ADPRHL1: variants seen among roughly 807,000 people sequenced by gnomAD.
ADPRHL1 encodes ADP-ribosylhydrolase like 1.
Under a neutral mutation model 44.1 loss-of-function variants are expected in ADPRHL1, and 43 were observed. The observed-to-expected ratio is 0.98, with a 90% CI of 0.76 to 1.26. ADPRHL1 has a LOEUF of 1.26. Among genes scored for constraint, ADPRHL1 ranks in the 50% most tolerant of loss-of-function variants. The pLI is 0.00. For missense variants in ADPRHL1, 2,022 were observed against 2,496.9 expected, an observed-to-expected ratio of 0.81 and a Z score of 4.05; for synonymous variants, 878 against 1,017.4, an observed-to-expected ratio of 0.86 and a Z score of 2.61.
Position 113,403,626 on chromosome 13 carries a change from T to C in ADPRHL1, c.5656A>G (p.Thr1886Ala), listed in dbSNP as rs965257080. 5.3e-5 allele frequency: 65 copies of C among 1,231,464 alleles called. No individual in the cohort carries two copies. In the African/African-American group the frequency reaches 7.3e-4, roughly 14 times the overall value. 76.3% of individuals were successfully genotyped at this position (1,231,464 alleles called of 1,614,324 possible). A position where few individuals can be genotyped will look rare whatever the true frequency, so the allele number is the denominator to read the frequency against. Residue 1886 changes from threonine (T) to alanine (A), a missense_variant, in exon 8 of 8, where the codon ACT (threonine) becomes GCT (alanine). This residue lies in a region of ADPRHL1 where 205 missense variants were observed against 250.1 expected (regional missense o/e 0.82). Transcript: ENST00000612156. ...TSPLGLGKSPTEPKPEAGGCG... is the reference protein window; with the variant it reads ...TSPLGLGKSPAEPKPEAGGCG... Reference sequence around the variant, plus strand: ...CCCCCAGCCTCAGGCTTGGGCTCAGTTGGGCTCTTTCCCAGCCCCAGGGGA... The same window carrying C: ...CCCCCAGCCTCAGGCTTGGGCTCAGCTGGGCTCTTTCCCAGCCCCAGGGGA...
At position 113,407,281 on chromosome 13, in the gene ADPRHL1, G is replaced by T. The variant is rs1385588290; in HGVS notation, c.2001C>A (p.Asn667Lys). The T allele has an allele frequency of 1.1e-5, 13 of 1,231,976 alleles. No individual in the cohort carries two copies. Among genetic ancestry groups the T allele is most frequent in the Admixed American group, 4.2e-5 (1 of 23,704 alleles). The allele number at this position is 1,231,976 out of a possible 1,614,324, so 76.3% of individuals were successfully genotyped here. Residue 667 changes from asparagine to lysine, a missense_variant, in exon 8 of 8, where the codon AAC (asparagine) becomes AAA (lysine). Asn to Lys is a moderately conservative substitution (Grantham distance 94, BLOSUM62 0). Transcript: ENST00000612156. ...PSARETGPSG[N>K]KAVGKGPLEE... ...CCAGGGGCCCCTTTCCCACTGCTTTGTTCCCACTGGGCCCCGTCTCCCTGG... is the reference window on the plus strand; with the variant it reads ...CCAGGGGCCCCTTTCCCACTGCTTTTTTCCCACTGGGCCCCGTCTCCCTGG...
intron 7 of ADPRHL1, chr13:113,421,940 T>C (rs1382464204): frequency 1.3e-5 from 2 of 152,266 alleles, no homozygotes; most frequent in African/African-American, 4.8e-5. Flanking sequence ...AGCACAGCGG[T>C]AAACATCAGT....
intron 7 of ADPRHL1, 130 bp from the exon 8 acceptor site, chr13:113,408,350 T>G: frequency 1.0e-6 from 1 of 976,168 alleles, no homozygotes; most frequent in Non-Finnish European, 1.3e-6. Flanking sequence ...AAAAAGAGAT[T>G]AGGAGCCAGG....
rs996553422 is a variant in ADPRHL1, at chr13:113,447,459, T to C, written c.215-2870A>G. ...CTACACTCATGGTGGTGTGTGTGTATGGTGTCTACATGCACGGTGTTGTGT... is the reference window on the plus strand; with the variant it reads ...CTACACTCATGGTGGTGTGTGTGTACGGTGTCTACATGCACGGTGTTGTGT... On this transcript the variant is annotated intron_variant, in intron 1 of 7. Transcript: ENST00000612156. Among the ~76,000 whole-genome samples the C allele has an allele frequency of 2.6e-5, 4 of 151,880 alleles. No individual in the cohort carries two copies. The South Asian group carries it at 8.3e-4, about 31-fold the overall frequency.
At position 113,404,622 on chromosome 13, in the gene ADPRHL1, C is replaced by T; in HGVS notation, c.4660G>A (p.Glu1554Lys). 7.6e-7 allele frequency: 1 copy of T among 1,310,086 alleles called. No individual in the cohort carries two copies. Among genetic ancestry groups the T allele is most frequent in the Non-Finnish European group, 9.6e-7 (1 of 1,037,876 alleles). 81.2% of individuals were successfully genotyped at this position (1,310,086 alleles called of 1,614,324 possible). Residue 1554 changes from glutamate to lysine, a missense_variant, in exon 8 of 8, where the codon GAA (glutamate) becomes AAA (lysine). Physicochemically the swap from Glu to Lys is moderately conservative, Grantham distance 56. This residue lies in a region of ADPRHL1 where 32 missense variants were observed against 72.6 expected (regional missense o/e 0.44). Transcript: ENST00000612156. ...AQGQAQGHAQ[E>K]QAQWQTQIEA... ...ATCTGGGTCTGCCACTGGGCCTGTT[C>T]TTGAGCGTGTCCCTGAGCCTGTCCC...
At chr13:113,423,120 G>T in intron 6 of ADPRHL1, 141 bp from the exon 7 acceptor site, 1 of 1,173,192 alleles carries the variant, frequency 8.5e-7, no homozygotes, top group Non-Finnish European at 1.2e-6. Flanking sequence ...AGGCCAGCGC[G>T]GTGGCTCACG....
intron 1 of ADPRHL1, among the ~76,000 whole-genome samples, chr13:113,445,598 C>T (rs564873722): frequency 6.6e-6 from 1 of 152,322 alleles, no homozygotes; most frequent in East Asian, 1.9e-4. Flanking sequence ...ATGAATTCCC[C>T]ACCTTTGGGG....
intron 2 of ADPRHL1, among the ~76,000 whole-genome samples, chr13:113,436,805 G>T (rs1290093368): frequency 7.4e-4 from 45 of 60,598 alleles, no homozygotes; most frequent in African/African-American, 3.1e-3. Context: ...GTGAACACAG[G>T]TGTACCCCGG....
Position 113,404,793 on chromosome 13 carries a change from G to C in ADPRHL1, c.4489C>G (p.Arg1497Gly). 1 of 1,254,694 alleles carries C rather than the reference G, an allele frequency of 8.0e-7. No homozygotes were observed. Among genetic ancestry groups the C allele is most frequent in the Non-Finnish European group, 1.0e-6 (1 of 1,002,906 alleles). The allele number at this position is 1,254,694 out of a possible 1,614,324, so 77.7% of individuals were successfully genotyped here. ...TGAGCGTGTCCCTGAACCTGTCCCC[G>C]GTCCCATTCCTGAACCTGTTTCTGG... The part of the protein sequence containing the change: ...QAQKQVQEWD[R>G]GQVQGHAQEQ... The change falls in exon 8 of 8, where the codon CGG (arginine) becomes GGG (glycine). Residue 1497 changes from arginine to glycine, a missense_variant. Physicochemically the swap from Arg to Gly is moderately radical, Grantham distance 125. Coordinates refer to ENST00000612156, the MANE Select transcript of ADPRHL1 (RefSeq NM_001394807.1).
chr13:113,448,642 GAGA>G (rs1051363849), intron 1 of ADPRHL1, among the ~76,000 whole-genome samples: 1 of 150,576 alleles, frequency 6.6e-6, no homozygotes, highest in African/African-American at 2.5e-5. Context: ...GGGAGAGGCT[GAGA>G]AGGTGCTGGC....
At position 113,429,033 on chromosome 13, in the gene ADPRHL1, G is replaced by A; in HGVS notation, c.565C>T (p.Leu189=). The change falls in exon 4 of 8, where the codon CTG becomes TTG. Residue 189 remains leucine, a synonymous_variant. Transcript: ENST00000612156. ...FVSFAAQGKP[L]VQWGRDMLRA... is the part of the protein sequence containing the mutation. ...AGCATGTCTCTCCCCCACTGGACCA[G>A]GGGCTTTCCTTGTGCGGCGAACGAC... 1.2e-6 allele frequency: 2 copies of A among 1,612,878 alleles called. No homozygotes were observed. Among genetic ancestry groups the A allele is most frequent in the Middle Eastern group, 1.7e-4 (1 of 6,060 alleles).
At position 113,403,705 on chromosome 13, in the gene ADPRHL1, G is replaced by T. The variant is rs564335620; in HGVS notation, c.5577C>A (p.Ala1859=). The T allele has an allele frequency of 5.4e-4, 660 of 1,231,862 alleles. 1 individual carries two copies. Among genetic ancestry groups the T allele is most frequent in the Non-Finnish European group, 6.6e-4 (649 of 988,232 alleles). 76.3% of individuals were successfully genotyped at this position (1,231,862 alleles called of 1,614,324 possible). The change falls in exon 8 of 8, where the codon GCC becomes GCA. Residue 1859 remains alanine, a synonymous_variant. Coordinates refer to ENST00000612156, the MANE Select transcript of ADPRHL1 (RefSeq NM_001394807.1). ...SGGSGLGEPS[A]GYPPPGSRPL... ...GGCGGCTTCCTGGGGGTGGGTACCCGGCGCTGGGCTCCCCCAGGCCACTGC... is the reference window on the plus strand; with the variant it reads ...GGCGGCTTCCTGGGGGTGGGTACCCTGCGCTGGGCTCCCCCAGGCCACTGC...
intron 7 of ADPRHL1, among the ~76,000 whole-genome samples, chr13:113,419,348 C>G (rs182385832): frequency 7.0e-6 from 1 of 143,388 alleles, no homozygotes; most frequent in Admixed American, 7.3e-5. Context: ...AACTCCTAAG[C>G]TCAAGCGATC....
intron 2 of ADPRHL1, among the ~76,000 whole-genome samples, chr13:113,436,951 C>T (rs1191569105): frequency 6.8e-6 from 1 of 147,662 alleles, no homozygotes; most frequent in Non-Finnish European, 1.5e-5. Context: ...GGACCCAGCA[C>T]CCAGGTGTAG....
chr13:113,449,866 C>T (rs778484490), intron 1 of ADPRHL1, among the ~76,000 whole-genome samples: 16 of 152,238 alleles, frequency 1.1e-4, no homozygotes, highest in Non-Finnish European at 2.2e-4. Context: ...TGCTTACGAG[C>T]ACAGGGGCCA....
At chr13:113,411,332 G>A (rs527590311) in intron 7 of ADPRHL1, among the ~76,000 whole-genome samples, 1 of 152,192 alleles carries the variant, frequency 6.6e-6, no homozygotes, top group African/African-American at 2.4e-5. Flanking sequence ...CCCCACACTC[G>A]GAGCCCCTTG....
intron 2 of ADPRHL1, among the ~76,000 whole-genome samples, chr13:113,435,246 C>T (rs2044043345): frequency 9.9e-5 from 2 of 20,172 alleles, no homozygotes; most frequent in Non-Finnish European, 2.6e-4. Context: ...GTAGAGTGAA[C>T]ACAGGTGTAC....
chr13:113,420,947 A>ACC (rs1324011063), intron 7 of ADPRHL1, among the ~76,000 whole-genome samples: 2 of 8,254 alleles, frequency 2.4e-4, no homozygotes, highest in African/African-American at 5.4e-4. Flanking sequence ...GGACAACCCT[A>ACC]CCCCCCCCGA....
chr13:113,410,404 G>A (rs150809185), intron 7 of ADPRHL1, among the ~76,000 whole-genome samples: 1 of 152,168 alleles, frequency 6.6e-6, no homozygotes, highest in Non-Finnish European at 1.5e-5. Flanking sequence ...TTCCGAGGCC[G>A]CTGGTCCGGG....
Sources: gnomAD v4.1 joint callset for allele counts (sites outside exome capture counted in the v4.1 genomes callset) on GRCh38, gnomAD v4.1.1 for gene constraint, gnomAD v4.1.1 regional missense constraint, MANE v1.5 for transcripts, NCBI Gene and HGNC (gene_info 2026-07-23, HGNC 2026-07-21) for gene names.